ZNF567: variants seen among roughly 807,000 people sequenced by gnomAD.
The protein encoded by ZNF567 is zinc finger protein 567.
Under a neutral mutation model 53.9 loss-of-function variants are expected in ZNF567, and 36 were observed. That is an observed-to-expected ratio of 0.67 (90% CI 0.51 to 0.88). The LOEUF (loss-of-function observed/expected upper bound fraction) is 0.88, where lower values mean the gene tolerates loss of function less well. Ranked by LOEUF, ZNF567 falls within the 40% of genes least tolerant of loss-of-function variation. ZNF567 has a pLI of 0.00. For missense variants in ZNF567, 619 were observed against 764.7 expected (o/e 0.81, Z 2.25); for synonymous variants, 224 against 260.4 (o/e 0.86, Z 1.35).
Position 36,707,577 on chromosome 19 carries a change from T to TTTG in ZNF567, c.10-4793_10-4791dup, listed in dbSNP as rs562640536. On this transcript the variant is annotated intron_variant, in intron 3 of 5. Coordinates refer to ENST00000682579, the MANE Select transcript of ZNF567 (RefSeq NM_001322917.1). ...TTATGGAGTATGTTTATAATCCTGT[T>TTTG]TTGTTGTTGTTGTTGTTGAAACGGA... is the stretch of plus-strand genomic sequence containing the variant. 3.4e-3 allele frequency among the ~76,000 whole-genome samples: 513 copies of TTTG among 152,194 alleles called. 3 individuals carry two copies. Among genetic ancestry groups the TTTG allele is most frequent in the Middle Eastern group, 0.027 (8 of 294 alleles).
At chr19:36,704,035 G>T (rs575412762) in intron 3 of ZNF567, among the ~76,000 whole-genome samples, 9 of 152,352 alleles carry the variant, frequency 5.9e-5, no homozygotes, top group African/African-American at 2.2e-4. Flanking sequence ...CTCACGCTGG[G>T]AGCTGTAGAC....
chr19:36,694,778 T>C, intron 2 of ZNF567, 24 bp from the exon 3 acceptor site: 6 of 1,354,722 alleles, frequency 4.4e-6, no homozygotes, highest in South Asian at 1.4e-5. Context: ...TGTGGCTTTT[T>C]TTGTCTCGGC....
At chr19:36,699,032 T>C (rs986689738) in intron 3 of ZNF567, among the ~76,000 whole-genome samples, 1 of 152,166 alleles carries the variant, frequency 6.6e-6, no homozygotes. Context: ...CTAGGTTTTC[T>C]TCTAGGGTTT....
chr19:36,714,496 C>A, intron 5 of ZNF567: 2 of 398,444 alleles, frequency 5.0e-6, no homozygotes, highest in South Asian at 1.3e-4. Flanking sequence ...CTTTCTTCAT[C>A]CTGTCTTTAA....
At chr19:36,677,155 C>CAAAAA in the ZNF567 span, among the ~76,000 whole-genome samples, 1 of 28,236 alleles carries the variant, frequency 3.5e-5, no homozygotes, top group East Asian at 1.2e-3. Context: ...AACTCCGTCT[C>CAAAAA]AAAAAAAAAA....
At chr19:36,682,283 CAAAAAAAAAAA>C in the ZNF567 span, among the ~76,000 whole-genome samples, 2 of 96,614 alleles carry the variant, frequency 2.1e-5, no homozygotes, top group African/African-American at 3.9e-5. Context: ...GACCCTGTCT[CAAAAAAAAAAA>C]AAAAAAAAGG....
At chr19:36,668,018 A>G in the ZNF567 span, 2 of 151,984 alleles carry the variant, frequency 1.3e-5, no homozygotes, top group Admixed American at 6.6e-5. Flanking sequence ...AGCTCACTGC[A>G]GTCTCCACCT....
At chr19:36,723,516 G>A (rs750172544), downstream of ZNF567, among the ~76,000 whole-genome samples, 2 of 151,998 alleles carry the variant, frequency 1.3e-5, no homozygotes, top group Non-Finnish European at 2.9e-5. Flanking sequence ...AGATATTAAC[G>A]GGCAGTTTTA....
chr19:36,685,632 T>G (rs372738646), upstream of ZNF567: 29 of 152,312 alleles, frequency 1.9e-4, no homozygotes, highest in African/African-American at 6.7e-4. Context: ...TTAAGGAATA[T>G]TTTCAAGATA....
At chr19:36,679,883 T>G in the ZNF567 span, among the ~76,000 whole-genome samples, 1 of 152,096 alleles carries the variant, frequency 6.6e-6, no homozygotes, top group Non-Finnish European at 1.5e-5. Flanking sequence ...AAAGTTTTGT[T>G]TAGATAGGAA....
the ZNF567 span, among the ~76,000 whole-genome samples, chr19:36,679,777 G>C: frequency 7.1e-3 from 1,088 of 152,182 alleles, 11 homozygotes; most frequent in African/African-American, 0.024. Context: ...CTAAAAAGTT[G>C]AACTCTTAGA....
chr19:36,680,951 T>G, the ZNF567 span, among the ~76,000 whole-genome samples: 1 of 152,156 alleles, frequency 6.6e-6, no homozygotes, highest in Non-Finnish European at 1.5e-5. Flanking sequence ...TTAATTTAAT[T>G]TCATCTGCAA....
At chr19:36,680,254 C>T in the ZNF567 span, among the ~76,000 whole-genome samples, 1 of 152,058 alleles carries the variant, frequency 6.6e-6, no homozygotes, top group African/African-American at 2.4e-5. Flanking sequence ...CACGATAAAT[C>T]CCTTTAATCT....
chr19:36,675,463 A>G, the ZNF567 span, among the ~76,000 whole-genome samples: 5 of 152,202 alleles, frequency 3.3e-5, no homozygotes, highest in East Asian at 9.7e-4. Flanking sequence ...TCACAAGGTC[A>G]GGAGTTCAAA....
At chr19:36,718,642 A>C (rs2145908795) in intron 5 of ZNF567, among the ~76,000 whole-genome samples, 1 of 152,034 alleles carries the variant, frequency 6.6e-6, no homozygotes, top group South Asian at 2.1e-4. Context: ...GGTTCACTTC[A>C]TTTTTTCTGA....
downstream of ZNF567, among the ~76,000 whole-genome samples, chr19:36,726,716 A>G (rs549306863): frequency 6.6e-6 from 1 of 152,234 alleles, no homozygotes; most frequent in African/African-American, 2.4e-5. Context: ...CTGGCCCAGC[A>G]GGTAGTTTAA....
In ZNF567 at chr19:36,719,511, T is replaced by C. The variant is rs1212365098; in HGVS notation, c.787T>C (p.Cys263Arg). 6.2e-7 allele frequency: 1 copy of C among 1,613,120 alleles called. No individual in the cohort carries two copies. The highest frequency in any genetic ancestry group is 1.3e-5 in the African/African-American group (1 of 74,866). ...HTCNECGKSF[C>R]RKSVLILHQG... Reference sequence around the variant, plus strand: ...ATGCAATGAATGTGGGAAATCTTTCTGCAGGAAATCAGTATTGATTCTGCA... The same window carrying C: ...ATGCAATGAATGTGGGAAATCTTTCCGCAGGAAATCAGTATTGATTCTGCA... Residue 263 changes from cysteine to arginine, a missense_variant, in exon 6 of 6, where the codon TGC (cysteine) becomes CGC (arginine). Physicochemically the swap from Cys to Arg is radical, Grantham distance 180. Transcript: ENST00000682579.
Position 36,719,289 on chromosome 19 carries a change from A to G in ZNF567, c.565A>G (p.Arg189Gly). The G allele has an allele frequency of 6.2e-7, 1 of 1,614,084 alleles. No homozygotes were observed. The highest frequency in any genetic ancestry group is 8.5e-7 in the Non-Finnish European group (1 of 1,180,008). Residue 189 changes from arginine to glycine, a missense_variant, in exon 6 of 6, where the codon AGA becomes GGA. Transcript: ENST00000682579. Reference sequence around the variant, plus strand: ...AGTCAAATCCCATAATCAAAGTGCCAGAGCTTTCAGTCATAATGAAGTTCT... The same window carrying G: ...AGTCAAATCCCATAATCAAAGTGCCGGAGCTTTCAGTCATAATGAAGTTCT... ...PEVKSHNQSA[R>G]AFSHNEVLMQ...
intron 5 of ZNF567, 67 bp from the exon 6 acceptor site, chr19:36,718,881 G>A (rs912944892): frequency 1.5e-6 from 2 of 1,336,694 alleles, no homozygotes; most frequent in Non-Finnish European, 2.0e-6. Flanking sequence ...CTAGACCCTA[G>A]TAAAATTTCT....
Sources: gnomAD v4.1 joint callset for allele counts (sites outside exome capture counted in the v4.1 genomes callset) on GRCh38, gnomAD v4.1.1 for gene constraint, MANE v1.5 for transcripts, NCBI Gene and HGNC (gene_info 2026-07-23, HGNC 2026-07-21) for gene names.